Variants in NTM observed in about 807,000 individuals in gnomAD.
NTM encodes the protein neurotrimin.
In NTM, 13 loss-of-function variants were observed where a neutral mutation model predicts 42.1. The ratio of observed to expected loss-of-function variants is 0.31; its 90% CI spans 0.20 to 0.49. The LOEUF is 0.49. Among genes scored for constraint, NTM ranks in the 20% least tolerant of loss-of-function variants. The probability of loss-of-function intolerance (pLI) is 0.99; values close to 1 mark genes in which losing one functional copy is unlikely to be tolerated. For missense variants in NTM, 373 were observed against 452.8 expected (o/e 0.82, Z 1.60); for synonymous variants, 187 against 179.2 (o/e 1.04, Z -0.35).
intron 1 of NTM, among the ~76,000 whole-genome samples, chr11:131,371,591 C>T (rs755065813): frequency 9.2e-5 from 14 of 152,132 alleles, no homozygotes; most frequent in Non-Finnish European, 1.8e-4. Flanking sequence ...GTTTATTTAT[C>T]GGCTGAGCCG....
chr11:131,619,816 CTTTT>C (rs1295440951), intron 1 of NTM, among the ~76,000 whole-genome samples: 1 of 142,656 alleles, frequency 7.0e-6, no homozygotes, highest in African/African-American at 2.6e-5. Flanking sequence ...TAAACATCTT[CTTTT>C]TTTTTTTTTT....
chr11:131,500,552 T>C (rs1591841000), intron 1 of NTM, among the ~76,000 whole-genome samples: 1 of 68,594 alleles, frequency 1.5e-5, no homozygotes, highest in South Asian at 4.8e-4. Flanking sequence ...TATATATATA[T>C]ATATATATAT....
At chr11:131,858,407 A>G (rs926887439) in intron 1 of NTM, among the ~76,000 whole-genome samples, 1 of 151,866 alleles carries the variant, frequency 6.6e-6, no homozygotes, top group Non-Finnish European at 1.5e-5. Flanking sequence ...TTGGGCTAAG[A>G]GCAGAGGGGA....
intron 1 of NTM, among the ~76,000 whole-genome samples, chr11:131,838,848 G>C (rs931433809): frequency 6.6e-6 from 1 of 152,142 alleles, no homozygotes; most frequent in Non-Finnish European, 1.5e-5. Flanking sequence ...AGGTATTCTT[G>C]GAGGTGCTTT....
At chr11:131,374,701 C>T (rs1941729633) in intron 1 of NTM, among the ~76,000 whole-genome samples, 1 of 152,142 alleles carries the variant, frequency 6.6e-6, no homozygotes, top group Non-Finnish European at 1.5e-5. Context: ...GGCTCCTTTT[C>T]TTGATGGGCC....
intron 1 of NTM, among the ~76,000 whole-genome samples, chr11:131,763,527 T>G (rs2084567847): frequency 6.6e-6 from 1 of 152,080 alleles, no homozygotes; most frequent in African/African-American, 2.4e-5. Flanking sequence ...TTTAGGGGAT[T>G]ATATTATCCA....
intron 4 of NTM, among the ~76,000 whole-genome samples, chr11:132,215,303 A>G (rs2138734929): frequency 6.6e-6 from 1 of 152,146 alleles, no homozygotes; most frequent in Non-Finnish European, 1.5e-5. Context: ...AACCCTGATG[A>G]CTTCATTGCA....
chr11:132,252,182 TA>T (rs35292592), intron 4 of NTM, among the ~76,000 whole-genome samples: 72,324 of 151,628 alleles, frequency 0.48, 17,630 homozygotes, highest in African/African-American at 0.55. Flanking sequence ...TCCTCATCTT[TA>T]TCTTAGCATT....
At chr11:131,589,107 A>G (rs2059134289) in intron 1 of NTM, among the ~76,000 whole-genome samples, 1 of 151,786 alleles carries the variant, frequency 6.6e-6, no homozygotes, top group Admixed American at 6.6e-5. Flanking sequence ...ATAAATTAGT[A>G]TTTAAGTGAG....
rs528023851 is a variant in NTM, at chr11:131,386,589, T to G, written c.82+15701T>G. 2.0e-5 allele frequency among the ~76,000 whole-genome samples: 3 copies of G among 152,260 alleles called. No homozygotes were observed. In the South Asian group the frequency reaches 6.2e-4, roughly 31 times the overall value. On this transcript the variant is annotated intron_variant, in intron 1 of 8. Coordinates refer to ENST00000683400, the MANE Select transcript of NTM (RefSeq NM_001352005.2). ...GGAAGTTAAAGGAGTTCGCATTTGC[T>G]GGCTTTTATTTGCCCTGAGTATATT... is the stretch of plus-strand genomic sequence containing the variant.
intron 4 of NTM, among the ~76,000 whole-genome samples, chr11:132,291,288 G>T (rs942505180): frequency 6.6e-6 from 1 of 152,154 alleles, no homozygotes; most frequent in Non-Finnish European, 1.5e-5. Context: ...ATAAGACTTG[G>T]TGATGGATTT....
At chr11:131,399,245 C>G (rs1944869525) in intron 1 of NTM, among the ~76,000 whole-genome samples, 1 of 152,082 alleles carries the variant, frequency 6.6e-6, no homozygotes, top group East Asian at 1.9e-4. Flanking sequence ...TAGTTATCTC[C>G]CTTTGAACCT....
At chr11:132,219,628 C>T (rs2084693011) in intron 4 of NTM, among the ~76,000 whole-genome samples, 1 of 151,878 alleles carries the variant, frequency 6.6e-6, no homozygotes. Context: ...AGAAAAGGCC[C>T]TCCCCCCCCA....
intron 1 of NTM, among the ~76,000 whole-genome samples, chr11:131,420,171 G>A (rs1490650704): frequency 6.6e-6 from 1 of 152,214 alleles, no homozygotes; most frequent in Non-Finnish European, 1.5e-5. Context: ...GAACTTTGCT[G>A]ATGTGGTTAA....
chr11:132,281,593 A>G (rs2139843062), intron 4 of NTM, among the ~76,000 whole-genome samples: 2 of 152,364 alleles, frequency 1.3e-5, no homozygotes, highest in East Asian at 3.9e-4. Context: ...CTGTAAGAAT[A>G]GATATCTAAA....
chr11:131,563,036 C>T (rs1329661439), intron 1 of NTM, among the ~76,000 whole-genome samples: 3 of 152,148 alleles, frequency 2.0e-5, no homozygotes, highest in Non-Finnish European at 4.4e-5. Flanking sequence ...ATCTCTGTCC[C>T]GCTTCTCATT....
At chr11:131,871,361 G>A (rs760643453) in intron 1 of NTM, among the ~76,000 whole-genome samples, 2 of 152,104 alleles carry the variant, frequency 1.3e-5, no homozygotes, top group Non-Finnish European at 2.9e-5. Flanking sequence ...AACATCACAA[G>A]CTGTCTCAGA....
At chr11:131,818,862 C>T (rs114654094) in intron 1 of NTM, among the ~76,000 whole-genome samples, 2,940 of 152,204 alleles carry the variant, frequency 0.019, 88 homozygotes, top group African/African-American at 0.066. Context: ...TTGATCTCCC[C>T]GCAGAGATGC....
At chr11:131,433,921 A>G (rs79382903) in intron 1 of NTM, among the ~76,000 whole-genome samples, 5 of 152,132 alleles carry the variant, frequency 3.3e-5, no homozygotes, top group Non-Finnish European at 2.9e-5. Context: ...TACATTAGGT[A>G]TTTCTCCTAA....
Sources: gnomAD v4.1 joint callset for allele counts (sites outside exome capture counted in the v4.1 genomes callset) on GRCh38, gnomAD v4.1.1 for gene constraint, MANE v1.5 for transcripts, NCBI Gene and HGNC (gene_info 2026-07-23, HGNC 2026-07-21) for gene names.